UBN2: variants seen among roughly 807,000 people sequenced by gnomAD.
UBN2 encodes ubinuclein 2, also known as ubinuclein-2.
A neutral mutation model predicts 120.2 loss-of-function variants in UBN2; 35 were observed. The ratio of observed to expected loss-of-function variants is 0.29; its 90% CI spans 0.22 to 0.39. The LOEUF (loss-of-function observed/expected upper bound fraction) is 0.39. Ranked by LOEUF, UBN2 falls within the 10% of genes least tolerant of loss-of-function variation. The pLI is 1.00. For missense variants in UBN2, 1,693 were observed against 1,663.2 expected (o/e 1.02, Z -0.31); for synonymous variants, 661 against 648.7 (o/e 1.02, Z -0.29).
chr7:139,246,533 A>G (rs1447318006), intron 2 of UBN2, among the ~76,000 whole-genome samples: 1 of 152,252 alleles, frequency 6.6e-6, no homozygotes, highest in Non-Finnish European at 1.5e-5. Flanking sequence ...AGCAGAAATT[A>G]TGAGAGACTT....
At chr7:139,326,308 A>G in the UBN2 span, among the ~76,000 whole-genome samples, 1 of 152,176 alleles carries the variant, frequency 6.6e-6, no homozygotes, top group Non-Finnish European at 1.5e-5. Context: ...GCATTGCCCC[A>G]TTCAGCATAT....
At chr7:139,248,057 A>G (rs1453610128) in intron 2 of UBN2, among the ~76,000 whole-genome samples, 3 of 152,180 alleles carry the variant, frequency 2.0e-5, no homozygotes, top group Non-Finnish European at 4.4e-5. Context: ...AGTTTGTTTA[A>G]TAGATCATCT....
chr7:139,231,890 C>G lies in UBN2; in HGVS notation c.406C>G (p.Pro136Ala), dbSNP rs761774803. 4.4e-6 allele frequency: 7 copies of G among 1,585,342 alleles called. No individual in the cohort carries two copies. The South Asian group carries it at 6.6e-5, about 15-fold the overall frequency. Residue 136 changes from proline to alanine, a missense_variant, in exon 1 of 18, where the codon CCC (proline) becomes GCC (alanine). Transcript: ENST00000473989. ...GCGCCTGGAGCTGGTGCTTAAGGAC[C>G]CCACCGACGAGAGCTGCGTGGAGTT... Reference protein sequence around the residue: ...TVRLELVLKDPTDESCVEFSY... With the variant: ...TVRLELVLKDATDESCVEFSY...
chr7:139,273,716 A>G (rs996293552), intron 10 of UBN2, among the ~76,000 whole-genome samples: 1 of 152,204 alleles, frequency 6.6e-6, no homozygotes, highest in African/African-American at 2.4e-5. Context: ...GTATTTCTAT[A>G]CCCCAAGTAG....
In UBN2 at chr7:139,284,068, C is replaced by A; in HGVS notation, c.3163C>A (p.Pro1055Thr). ...PATSPKPLPS[P>T]KPSASPKPSL... ...CACATCTCCTAAACCCCTGCCCTCG[C>A]CTAAGCCTTCTGCCTCACCCAAGCC... The change falls in exon 15 of 18, where the codon CCT becomes ACT. Residue 1055 changes from proline (P) to threonine (T), a missense_variant. Coordinates refer to ENST00000473989, the MANE Select transcript of UBN2 (RefSeq NM_173569.4). 2 of 1,614,136 alleles carry A rather than the reference C, an allele frequency of 1.2e-6. No homozygotes were observed. Among genetic ancestry groups the A allele is most frequent in the Middle Eastern group, 3.3e-4 (2 of 6,062 alleles).
intron 8 of UBN2, 25 bp downstream of exon 8, chr7:139,269,548 A>G (rs1162740862): frequency 3.7e-6 from 6 of 1,610,888 alleles, no homozygotes; most frequent in Non-Finnish European, 3.4e-6. Context: ...AATAATATCT[A>G]CATCTTGGGT....
chr7:139,294,020 T>C (rs1169525857), intron 17 of UBN2, 39 bp downstream of exon 17: 2 of 1,578,532 alleles, frequency 1.3e-6, no homozygotes, highest in East Asian at 4.5e-5. Flanking sequence ...CTTATTTGTA[T>C]AGGCTTATAG....
chr7:139,320,432 G>C, the UBN2 span, among the ~76,000 whole-genome samples: 1 of 151,996 alleles, frequency 6.6e-6, no homozygotes, highest in Non-Finnish European at 1.5e-5. Context: ...CTGCACTCCA[G>C]CCTGGGTGAC....
chr7:139,327,286 G>A, the UBN2 span, among the ~76,000 whole-genome samples: 1 of 152,184 alleles, frequency 6.6e-6, no homozygotes, highest in African/African-American at 2.4e-5. Flanking sequence ...GCCAGCCTCA[G>A]CCTCCCAAAG....
At position 139,298,627 on chromosome 7, in the gene UBN2, G is replaced by A. The variant is rs1798176967; in HGVS notation, c.*791G>A. ...TAACTCTTTTCTTCAGGTGATTTGT[G>A]CATCTAGTATTGACTGGTTAATTCT... On this transcript the variant is annotated 3_prime_UTR_variant, in exon 18 of 18. Transcript: ENST00000473989. 1 of 151,744 alleles carries A rather than the reference G, an allele frequency of 6.6e-6. No homozygotes were observed. Among genetic ancestry groups the A allele is most frequent in the Non-Finnish European group, 1.5e-5 (1 of 67,938 alleles). The allele number at this position is 151,744 out of a possible 1,614,324, so 9.4% of individuals were successfully genotyped here. A position where few individuals can be genotyped will look rare whatever the true frequency, so the allele number is the denominator to read the frequency against.
rs546441421 is a variant in UBN2 at position 139,247,529 on chromosome 7, C to T, written c.562-4427C>T. On this transcript the variant is annotated intron_variant, in intron 2 of 17. Transcript: ENST00000473989. ...GTCATGAGTTTGAAGATTGGCTCAC[C>T]TATTTTCTGTGTGACCTTAGATAAG... 6.6e-5 allele frequency among the ~76,000 whole-genome samples: 10 copies of T among 152,300 alleles called. No homozygotes were observed. In the South Asian group the frequency reaches 2.1e-3, roughly 32 times the overall value.
rs1251230501 is a variant in UBN2, at chr7:139,303,824, G to A, written c.*5988G>A. ...TATTTAAACATTATCTTTGAGGTGG[G>A]ATAAAATGTTTAGTTTCAGGTTAAC... On this transcript the variant is annotated 3_prime_UTR_variant, in exon 18 of 18. Coordinates refer to ENST00000473989, the MANE Select transcript of UBN2 (RefSeq NM_173569.4). 6.6e-6 allele frequency: 1 copy of A among 152,116 alleles called. No homozygotes were observed. Among genetic ancestry groups the A allele is most frequent in the East Asian group, 1.9e-4 (1 of 5,202 alleles). The allele number at this position is 152,116 out of a possible 1,614,324, so 9.4% of individuals were successfully genotyped here.
downstream of UBN2, among the ~76,000 whole-genome samples, chr7:139,311,773 T>G (rs2131103614): frequency 6.6e-6 from 1 of 152,338 alleles, no homozygotes; most frequent in Admixed American, 6.5e-5. Flanking sequence ...CATAGATAGA[T>G]AGCAGTTAAA....
the UBN2 span, among the ~76,000 whole-genome samples, chr7:139,317,592 C>T: frequency 6.6e-5 from 10 of 152,046 alleles, no homozygotes; most frequent in South Asian, 2.1e-4. Context: ...TATTACTTTT[C>T]GGTACCTTCT....
chr7:139,329,651 C>A, the UBN2 span, among the ~76,000 whole-genome samples: 1 of 152,042 alleles, frequency 6.6e-6, no homozygotes, highest in Non-Finnish European at 1.5e-5. Flanking sequence ...GGCGTGAGAG[C>A]ATTCTTACGT....
chr7:139,278,027 C>T (rs746259677), intron 12 of UBN2, among the ~76,000 whole-genome samples: 7 of 152,144 alleles, frequency 4.6e-5, no homozygotes, highest in African/African-American at 9.7e-5. Flanking sequence ...CAGTTGACCA[C>T]AGGCAACTGA....
intron 15 of UBN2, among the ~76,000 whole-genome samples, chr7:139,292,878 C>T (rs553931153): frequency 3.2e-4 from 49 of 152,162 alleles, no homozygotes; most frequent in African/African-American, 9.4e-4. Flanking sequence ...CTGCAGCAGC[C>T]GCTGCAGGAA....
At chr7:139,233,803 C>T (rs1360016466) in intron 1 of UBN2, among the ~76,000 whole-genome samples, 2 of 152,000 alleles carry the variant, frequency 1.3e-5, no homozygotes, top group Non-Finnish European at 2.9e-5. Flanking sequence ...AAAGGTTTGA[C>T]ACCCTAGCTT....
intron 12 of UBN2, chr7:139,277,291 C>T (rs933699560): frequency 6.6e-6 from 1 of 152,170 alleles, no homozygotes; most frequent in African/African-American, 2.4e-5. Context: ...TTAGGGATTT[C>T]ACCCCCTCAT....
Sources: gnomAD v4.1 joint callset for allele counts (sites outside exome capture counted in the v4.1 genomes callset) on GRCh38, gnomAD v4.1.1 for gene constraint, MANE v1.5 for transcripts, NCBI Gene and HGNC (gene_info 2026-07-23, HGNC 2026-07-21) for gene names.